Variants in ABLIM2 observed in about 807,000 individuals in gnomAD.
ABLIM2 encodes the protein actin binding LIM protein family member 2.
ABLIM2 carries 53 observed loss-of-function variants against 97.7 expected under a neutral mutation model. That is an observed-to-expected ratio of 0.54 (90% CI 0.44 to 0.68). ABLIM2 has a LOEUF of 0.68. Among genes scored for constraint, ABLIM2 ranks in the 30% least tolerant of loss-of-function variants. The pLI is 0.00. For synonymous variants in ABLIM2, 361 were observed against 345.8 expected, an observed-to-expected ratio of 1.04 and a Z score of -0.49; for missense variants, 835 against 867.2, an observed-to-expected ratio of 0.96 and a Z score of 0.47.
chr4:8,097,022 A>C, intron 3 of ABLIM2, 77 bp downstream of exon 3: 4 of 1,479,888 alleles, frequency 2.7e-6, no homozygotes, highest in Non-Finnish European at 3.6e-6. Context: ...AGCAGGAGGA[A>C]GAAGGGAAGG....
chr4:7,966,642 A>T lies in ABLIM2; in HGVS notation c.*348T>A. ...CACGTCCCGGCCACCTCTGTCCCCC[A>T]CGTGCCCAGCACCGGGGCCAGGGCA... On this transcript the variant is annotated 3_prime_UTR_variant, in exon 21 of 21. Transcript: ENST00000447017. 2 of 246,442 alleles carry T rather than the reference A, an allele frequency of 8.1e-6. No individual in the cohort carries two copies. Among genetic ancestry groups the T allele is most frequent in the Non-Finnish European group, 1.6e-5 (2 of 126,990 alleles). 15.3% of individuals were successfully genotyped at this position (246,442 alleles called of 1,614,324 possible).
chr4:8,016,994 G>A (rs1769808688), intron 14 of ABLIM2, among the ~76,000 whole-genome samples: 1 of 152,120 alleles, frequency 6.6e-6, no homozygotes, highest in Non-Finnish European at 1.5e-5. Context: ...AACATATTTG[G>A]AGATACTTCT....
intron 12 of ABLIM2, among the ~76,000 whole-genome samples, chr4:8,024,116 G>A (rs1775768863): frequency 6.6e-6 from 1 of 152,198 alleles, no homozygotes; most frequent in African/African-American, 2.4e-5. Flanking sequence ...CTGGGCAGTG[G>A]AGGGTGCGGG....
At chr4:7,971,931 G>T (rs758429240) in intron 20 of ABLIM2, among the ~76,000 whole-genome samples, 1 of 152,094 alleles carries the variant, frequency 6.6e-6, no homozygotes, top group Non-Finnish European at 1.5e-5. Flanking sequence ...GCCAGCAAGG[G>T]GCCACTTTTC....
chr4:8,040,353 G>C (rs538995292), intron 9 of ABLIM2, among the ~76,000 whole-genome samples: 1 of 152,178 alleles, frequency 6.6e-6, no homozygotes, highest in Non-Finnish European at 1.5e-5. Context: ...GCTCACACCT[G>C]TACCCCCAGC....
intron 8 of ABLIM2, among the ~76,000 whole-genome samples, chr4:8,050,910 A>G (rs767355427): frequency 6.6e-6 from 1 of 152,264 alleles, no homozygotes; most frequent in Non-Finnish European, 1.5e-5. Context: ...CTGCTTCAAA[A>G]GCAACTTCAA....
intron 20 of ABLIM2, among the ~76,000 whole-genome samples, chr4:7,979,856 A>G (rs1736609718): frequency 6.6e-6 from 1 of 152,210 alleles, no homozygotes; most frequent in South Asian, 2.1e-4. Context: ...TGGTCATATT[A>G]CCTACTCAAG....
At chr4:8,107,525 G>A (rs1838067238) in intron 1 of ABLIM2, among the ~76,000 whole-genome samples, 1 of 152,230 alleles carries the variant, frequency 6.6e-6, no homozygotes, top group African/African-American at 2.4e-5. Context: ...GCTCTGGCAG[G>A]CACAGAGCCA....
intron 1 of ABLIM2, among the ~76,000 whole-genome samples, chr4:8,136,142 G>T (rs77310398): frequency 6.6e-6 from 1 of 152,134 alleles, no homozygotes; most frequent in Non-Finnish European, 1.5e-5. Context: ...ATAAAATCCC[G>T]ACAGAGGCTA....
chr4:8,080,936 T>A (rs1819440175), intron 4 of ABLIM2, 134 bp from the exon 5 acceptor site: 1 of 1,164,976 alleles, frequency 8.6e-7, no homozygotes, highest in Non-Finnish European at 1.2e-6. Context: ...CCACAGCGAG[T>A]GTGCTTGGAG....
intron 18 of ABLIM2, 24 bp from the exon 19 acceptor site, chr4:7,983,578 C>G (rs1410006927): frequency 1.2e-6 from 2 of 1,612,170 alleles, no homozygotes; most frequent in Middle Eastern, 1.7e-4. Flanking sequence ...AGAGCGGAGA[C>G]CACGAAATGG....
intron 6 of ABLIM2, among the ~76,000 whole-genome samples, chr4:8,062,035 C>T (rs1402990073): frequency 6.6e-6 from 1 of 151,722 alleles, no homozygotes; most frequent in Non-Finnish European, 1.5e-5. Context: ...GTGATAAGGC[C>T]GTGAATCTTC....
At chr4:8,108,936 G>A (rs557554813) in intron 1 of ABLIM2, among the ~76,000 whole-genome samples, 217 of 152,324 alleles carry the variant, frequency 1.4e-3, no homozygotes, top group African/African-American at 5.1e-3. Flanking sequence ...GGTCTATTTC[G>A]GGGACCCCAG....
intron 6 of ABLIM2, among the ~76,000 whole-genome samples, chr4:8,062,530 C>G (rs190354891): frequency 1.3e-5 from 2 of 152,014 alleles, no homozygotes; most frequent in African/African-American, 4.8e-5. Context: ...AGCTCTGCCC[C>G]CCAGGTTCAC....
chr4:7,990,821 G>A (rs943735401), intron 17 of ABLIM2, among the ~76,000 whole-genome samples: 1 of 152,160 alleles, frequency 6.6e-6, no homozygotes, highest in African/African-American at 2.4e-5. Flanking sequence ...TGAGAAAAAG[G>A]CATAACAGTA....
chr4:8,112,903 C>T lies in ABLIM2; in HGVS notation c.11-6266G>A, dbSNP rs963874983. On this transcript the variant is annotated intron_variant, in intron 1 of 20. Transcript: ENST00000447017. The surrounding 1 kb of genome is among the most constrained non-coding windows in gnomAD (Gnocchi z 4.2). ...CATGTGTTCACTTGTTCAACAGACA[C>T]GGGAGCAGACGCACTGTCAGGTACT... 8.5e-5 allele frequency among the ~76,000 whole-genome samples: 13 copies of T among 152,170 alleles called. No individual in the cohort carries two copies. Among genetic ancestry groups the T allele is most frequent in the Non-Finnish European group, 1.9e-4 (13 of 68,038 alleles).
intron 5 of ABLIM2, among the ~76,000 whole-genome samples, 181 bp downstream of exon 5, chr4:8,080,495 T>C (rs897364770): frequency 3.9e-5 from 6 of 152,108 alleles, no homozygotes; most frequent in East Asian, 3.9e-4. Flanking sequence ...CATAAGGCTG[T>C]TGGGACAAAT....
intron 1 of ABLIM2, among the ~76,000 whole-genome samples, chr4:8,146,457 G>A (rs547655805): frequency 4.6e-5 from 7 of 152,186 alleles, no homozygotes; most frequent in African/African-American, 1.2e-4. Flanking sequence ...GCCTCGGCTC[G>A]CTAAAAATGC....
intron 1 of ABLIM2, among the ~76,000 whole-genome samples, chr4:8,141,931 C>T (rs986692768): frequency 3.3e-5 from 5 of 152,144 alleles, no homozygotes; most frequent in African/African-American, 1.2e-4. Flanking sequence ...GGGGGAGGGC[C>T]CCCCCAGCTC....
Sources: gnomAD v4.1 joint callset for allele counts (sites outside exome capture counted in the v4.1 genomes callset) on GRCh38, gnomAD v4.1.1 for gene constraint, Gnocchi (gnomAD v3.1) non-coding constraint, MANE v1.5 for transcripts, NCBI Gene and HGNC (gene_info 2026-07-23, HGNC 2026-07-21) for gene names.